NCALD: variants seen among roughly 807,000 people sequenced by gnomAD.
NCALD encodes the protein neurocalcin delta, also known as neurocalcin-delta.
A neutral mutation model predicts 18.6 loss-of-function variants in NCALD; 10 were observed. The observed-to-expected ratio is 0.54, with a 90% CI of 0.33 to 0.91. NCALD has a LOEUF of 0.91. NCALD is among the 40% of genes least tolerant of loss of function. The probability of loss-of-function intolerance (pLI) is 0.03; values close to 1 mark genes in which losing one functional copy is unlikely to be tolerated. For synonymous variants in NCALD, 88 were observed against 87.4 expected (o/e 1.01, Z -0.04); for missense variants, 184 against 247.6 (o/e 0.74, Z 1.72).
At chr8:101,931,030 A>G (rs1818552781) in intron 2 of NCALD, among the ~76,000 whole-genome samples, 1 of 152,204 alleles carries the variant, frequency 6.6e-6, no homozygotes, top group African/African-American at 2.4e-5. Flanking sequence ...ATATAAGCAG[A>G]GGCGAAAGCT....
At chr8:102,066,833 C>T (rs1045757925) in intron 1 of NCALD, among the ~76,000 whole-genome samples, 2 of 152,172 alleles carry the variant, frequency 1.3e-5, no homozygotes, top group African/African-American at 4.8e-5. Context: ...AGAGAGTGTG[C>T]ACAGCCCCAC....
chr8:101,878,076 CACGGA>C (rs1816304564), intron 4 of NCALD, among the ~76,000 whole-genome samples: 1 of 152,110 alleles, frequency 6.6e-6, no homozygotes, highest in South Asian at 2.1e-4. Context: ...ACAAATGTTC[CACGGA>C]AAACTAAGTG....
At chr8:101,961,725 T>C (rs748548217) in intron 2 of NCALD, among the ~76,000 whole-genome samples, 6 of 152,164 alleles carry the variant, frequency 3.9e-5, no homozygotes, top group Non-Finnish European at 8.8e-5. Context: ...CCACTGTGTC[T>C]AGCATGCTAA....
intron 1 of NCALD, among the ~76,000 whole-genome samples, chr8:101,786,532 T>TGA (rs766710862): frequency 7.9e-5 from 12 of 152,230 alleles, no homozygotes; most frequent in Non-Finnish European, 1.8e-4. Flanking sequence ...GATCATGGTT[T>TGA]GAGTTATATG....
At chr8:101,837,745 T>G (rs1226105094) in intron 4 of NCALD, among the ~76,000 whole-genome samples, 1 of 152,176 alleles carries the variant, frequency 6.6e-6, no homozygotes, top group Non-Finnish European at 1.5e-5. Flanking sequence ...TTTATTAAAA[T>G]CCTGATTCCT....
rs554236942 is a variant in NCALD, at chr8:102,066,073, T to TAA, written c.-209-45786_-209-45785dup. On this transcript the variant is annotated intron_variant, in intron 1 of 6. Transcript: ENST00000311028. ...CCCAACTCACAGCGCTAACAAGTAGTAAAATGAGCCATTTCTTCATTCCCC... is the reference window on the plus strand; with the variant it reads ...CCCAACTCACAGCGCTAACAAGTAGTAAAAAATGAGCCATTTCTTCATTCCCC... Among the ~76,000 whole-genome samples, 87 of 152,256 alleles carry TAA rather than the reference T, an allele frequency of 5.7e-4. 1 individual carries two copies. The South Asian group carries it at 0.016, about 28-fold the overall frequency.
intron 3 of NCALD, among the ~76,000 whole-genome samples, chr8:101,890,594 G>A (rs916973657): frequency 6.6e-6 from 1 of 152,140 alleles, no homozygotes; most frequent in Non-Finnish European, 1.5e-5. Context: ...GTGCCCTCTT[G>A]CCCCTCTGCC....
chr8:101,792,193 A>G (rs141192749), upstream of NCALD, among the ~76,000 whole-genome samples: 1 of 152,212 alleles, frequency 6.6e-6, no homozygotes, highest in South Asian at 2.1e-4. Context: ...TAAATAAATA[A>G]AAAAGAGTAG....
chr8:102,057,271 C>CACACAT (rs1449918730), intron 1 of NCALD, among the ~76,000 whole-genome samples: 1 of 151,640 alleles, frequency 6.6e-6, no homozygotes, highest in Non-Finnish European at 1.5e-5. Context: ...CACACACACA[C>CACACAT]ACACACACAC....
At chr8:101,882,609 T>G (rs1816531998) in intron 4 of NCALD, among the ~76,000 whole-genome samples, 1 of 152,202 alleles carries the variant, frequency 6.6e-6, no homozygotes, top group Non-Finnish European at 1.5e-5. Context: ...TCACTTTGAT[T>G]CATACAGTAG....
At chr8:101,998,891 C>T (rs1484554645) in intron 2 of NCALD, among the ~76,000 whole-genome samples, 2 of 152,092 alleles carry the variant, frequency 1.3e-5, no homozygotes, top group African/African-American at 4.8e-5. Flanking sequence ...AAGACCTATA[C>T]CTATGAAAAA....
intron 1 of NCALD, among the ~76,000 whole-genome samples, chr8:102,048,706 C>G (rs1476365948): frequency 6.6e-6 from 1 of 152,158 alleles, no homozygotes; most frequent in Non-Finnish European, 1.5e-5. Flanking sequence ...TGGGTTTTGC[C>G]TCCTTATGTA....
At chr8:102,080,955 G>A (rs901977593) in intron 1 of NCALD, among the ~76,000 whole-genome samples, 7 of 152,192 alleles carry the variant, frequency 4.6e-5, no homozygotes, top group African/African-American at 1.7e-4. Flanking sequence ...TTTTTGTTTG[G>A]TTGGTTGGGG....
At chr8:101,990,122 A>G (rs374545840) in intron 2 of NCALD, among the ~76,000 whole-genome samples, 4 of 152,368 alleles carry the variant, frequency 2.6e-5, no homozygotes, top group South Asian at 2.1e-4. Flanking sequence ...TCTTAACACC[A>G]TTCATTCATT....
At chr8:101,854,891 T>C (rs938367374) in intron 4 of NCALD, among the ~76,000 whole-genome samples, 2 of 152,154 alleles carry the variant, frequency 1.3e-5, no homozygotes, top group Non-Finnish European at 1.5e-5. Context: ...TAGCATGCAC[T>C]ATTAGGTACT....
At chr8:101,737,274 G>A (rs1396596470) in intron 1 of NCALD, among the ~76,000 whole-genome samples, 1 of 152,094 alleles carries the variant, frequency 6.6e-6, no homozygotes, top group Non-Finnish European at 1.5e-5. Context: ...TTTGTGTAGA[G>A]ACAGGGTCTA....
intron 1 of NCALD, among the ~76,000 whole-genome samples, chr8:102,122,519 C>T (rs935156454): frequency 6.6e-6 from 1 of 152,110 alleles, no homozygotes; most frequent in African/African-American, 2.4e-5. Flanking sequence ...TGAACTAAGT[C>T]AGTGACAGCA....
chr8:101,939,541 A>C (rs924831224), intron 2 of NCALD, among the ~76,000 whole-genome samples: 1 of 152,226 alleles, frequency 6.6e-6, no homozygotes. Flanking sequence ...TAAGTAGCTT[A>C]ACTTTTCTTC....
chr8:102,048,162 C>T (rs1823313865), intron 1 of NCALD, among the ~76,000 whole-genome samples: 1 of 152,180 alleles, frequency 6.6e-6, no homozygotes, highest in Admixed American at 6.5e-5. Context: ...TACACAGAAT[C>T]TGTTGTTATT....
Sources: gnomAD v4.1 joint callset for allele counts (sites outside exome capture counted in the v4.1 genomes callset) on GRCh38, gnomAD v4.1.1 for gene constraint, MANE v1.5 for transcripts, NCBI Gene and HGNC (gene_info 2026-07-23, HGNC 2026-07-21) for gene names.